The following NTM variants were observed in gnomAD, a reference collection of about 807,000 sequenced individuals.
NTM encodes the protein neurotrimin.
Under a neutral mutation model 42.1 loss-of-function variants are expected in NTM, and 13 were observed. The observed-to-expected ratio is 0.31, with a 90% CI of 0.20 to 0.49. The LOEUF (loss-of-function observed/expected upper bound fraction) is 0.49, where lower values mean the gene tolerates loss of function less well. NTM is among the 20% of genes least tolerant of loss of function. The probability of loss-of-function intolerance (pLI) is 0.99; values close to 1 mark genes in which losing one functional copy is unlikely to be tolerated. For missense variants in NTM, 373 were observed against 452.8 expected, an observed-to-expected ratio of 0.82 and a Z score of 1.60; for synonymous variants, 187 against 179.2, an observed-to-expected ratio of 1.04 and a Z score of -0.35.
At chr11:131,910,960 G>A in intron 1 of NTM, 1 of 995,410 alleles carries the variant, frequency 1.0e-6, no homozygotes, top group African/African-American at 1.7e-5. Context: ...CTTCCCATCT[G>A]CTATTGTTTC....
At chr11:132,182,286 G>A (rs1176872474) in intron 3 of NTM, among the ~76,000 whole-genome samples, 1 of 151,886 alleles carries the variant, frequency 6.6e-6, no homozygotes, top group Non-Finnish European at 1.5e-5. Flanking sequence ...TCTTATAGAA[G>A]CCCTAGGTCA....
chr11:132,243,984 G>GTCTCATGGGC (rs2090645742), intron 4 of NTM, among the ~76,000 whole-genome samples: 1 of 152,192 alleles, frequency 6.6e-6, no homozygotes, highest in African/African-American at 2.4e-5. Context: ...CTGCCATCCC[G>GTCTCATGGGC]TCTCATGGGC....
At chr11:132,261,984 A>G (rs1391294771) in intron 4 of NTM, among the ~76,000 whole-genome samples, 1 of 152,118 alleles carries the variant, frequency 6.6e-6, no homozygotes, top group Non-Finnish European at 1.5e-5. Context: ...GATAAAGAGC[A>G]CTCCAAGTCT....
At chr11:132,179,865 T>A (rs2077309171) in intron 3 of NTM, among the ~76,000 whole-genome samples, 1 of 152,078 alleles carries the variant, frequency 6.6e-6, no homozygotes, top group African/African-American at 2.4e-5. Flanking sequence ...AGCATAGCAG[T>A]TTAGCATGTG....
chr11:131,811,494 G>A (rs2092727661), intron 1 of NTM, among the ~76,000 whole-genome samples: 1 of 152,132 alleles, frequency 6.6e-6, no homozygotes, highest in African/African-American at 2.4e-5. Context: ...AGTGGGAAAT[G>A]AATCATCATT....
chr11:132,107,378 T>G (rs2062535588), intron 2 of NTM, among the ~76,000 whole-genome samples: 2 of 123,674 alleles, frequency 1.6e-5, no homozygotes, highest in African/African-American at 3.5e-5. Context: ...TGAGACAGGG[T>G]TTCAGTCTGT....
chr11:131,552,018 G>C (rs779619629), intron 1 of NTM, among the ~76,000 whole-genome samples: 17 of 152,088 alleles, frequency 1.1e-4, no homozygotes, highest in Non-Finnish European at 2.5e-4. Flanking sequence ...AGATCTACAT[G>C]TGCATTTTAT....
In NTM at chr11:131,506,357, G is replaced by A. The variant is rs141339806; in HGVS notation, c.82+135469G>A. Among the ~76,000 whole-genome samples the A allele has an allele frequency of 6.5e-3, 990 of 152,244 alleles. 13 individuals are homozygous for A. The highest frequency in any genetic ancestry group is 0.038 in the South Asian group (181 of 4,816). On this transcript the variant is annotated intron_variant, in intron 1 of 8. Transcript: ENST00000683400. The stretch of plus-strand genomic sequence containing the variant: ...TATAACACTCCAAATGCTGGTGCCC[G>A]AATATCTTTAATTCCTTCTGAAGGG...
chr11:132,104,992 T>C (rs1225759965), intron 2 of NTM, among the ~76,000 whole-genome samples: 1 of 111,632 alleles, frequency 9.0e-6, no homozygotes, highest in Non-Finnish European at 1.8e-5. Context: ...TATATATATA[T>C]TTCATGGGAA....
intron 1 of NTM, among the ~76,000 whole-genome samples, chr11:131,572,125 C>T (rs1011790452): frequency 6.6e-6 from 1 of 152,086 alleles, no homozygotes; most frequent in African/African-American, 2.4e-5. Context: ...AGTGTGTAGC[C>T]GGGTGCCCTC....
intron 1 of NTM, among the ~76,000 whole-genome samples, chr11:131,661,808 T>C (rs911839716): frequency 1.3e-5 from 2 of 152,188 alleles, no homozygotes; most frequent in African/African-American, 4.8e-5. Flanking sequence ...TATAATTGAC[T>C]GATGGCTCTG....
intron 1 of NTM, among the ~76,000 whole-genome samples, chr11:131,388,724 G>T (rs1943627838): frequency 6.6e-6 from 1 of 151,978 alleles, no homozygotes; most frequent in Admixed American, 6.6e-5. Context: ...GAGAAAGATG[G>T]TGGTTGGCCT....
At chr11:132,237,746 G>A (rs888042316) in intron 4 of NTM, among the ~76,000 whole-genome samples, 6 of 152,134 alleles carry the variant, frequency 3.9e-5, no homozygotes, top group Non-Finnish European at 8.8e-5. Flanking sequence ...GGATGTCTTC[G>A]TCTCTCCGTA....
At chr11:132,027,395 G>T (rs2075327500) in intron 2 of NTM, among the ~76,000 whole-genome samples, 1 of 152,174 alleles carries the variant, frequency 6.6e-6, no homozygotes, top group Admixed American at 6.5e-5. Context: ...TTTCTCTGAA[G>T]AACATATTTT....
chr11:131,785,565 A>T (rs1481289422), intron 1 of NTM, among the ~76,000 whole-genome samples: 1 of 152,220 alleles, frequency 6.6e-6, no homozygotes, highest in African/African-American at 2.4e-5. Flanking sequence ...CTGGAGAAGA[A>T]CTCAAGACAG....
Position 131,672,386 on chromosome 11 carries a change from A to G in NTM, c.83-239178A>G, listed in dbSNP as rs150809571. ...AAGGCACCGCACCCCCACCGAGGAC[A>G]CTGGGCCTGCTTCACGAAGCACGCG... On this transcript the variant is annotated intron_variant, in intron 1 of 8. Coordinates refer to ENST00000683400, the MANE Select transcript of NTM (RefSeq NM_001352005.2). Among the ~76,000 whole-genome samples the G allele has an allele frequency of 5.2e-3, 795 of 152,322 alleles. 8 individuals carry two copies. Among genetic ancestry groups the G allele is most frequent in the African/African-American group, 0.018 (761 of 41,586 alleles).
chr11:132,050,835 G>A (rs536146349), intron 2 of NTM, among the ~76,000 whole-genome samples: 1 of 152,332 alleles, frequency 6.6e-6, no homozygotes, highest in African/African-American at 2.4e-5. Context: ...TTCTCTTTTG[G>A]CCTTATTTGC....
At chr11:132,119,873 G>A (rs1455184567) in intron 2 of NTM, among the ~76,000 whole-genome samples, 1 of 152,242 alleles carries the variant, frequency 6.6e-6, no homozygotes, top group Non-Finnish European at 1.5e-5. Context: ...TCCCCATCAA[G>A]GGCTAGCATG....
chr11:131,374,776 C>T (rs559359830), intron 1 of NTM, among the ~76,000 whole-genome samples: 2 of 152,242 alleles, frequency 1.3e-5, no homozygotes, highest in Admixed American at 1.3e-4. Flanking sequence ...CTCTCAACAT[C>T]CCAAGAAATG....
Sources: allele counts gnomAD v4.1 joint callset (sites outside exome capture counted in the v4.1 genomes callset), GRCh38; gene constraint gnomAD v4.1.1; transcripts MANE v1.5; gene names NCBI Gene and HGNC (gene_info 2026-07-23, HGNC 2026-07-21).